The following SHOC1 variants were observed in gnomAD, a reference collection of about 807,000 sequenced individuals.
SHOC1 encodes the protein protein shortage in chiasmata 1 ortholog.
SHOC1 carries 136 observed loss-of-function variants against 179.2 expected under a neutral mutation model. That is an observed-to-expected ratio of 0.76 (90% CI 0.66 to 0.87). SHOC1 has a LOEUF of 0.87. SHOC1 is among the 40% of genes least tolerant of loss of function. The probability of loss-of-function intolerance (pLI) is 0.00; values close to 1 mark genes in which losing one functional copy is unlikely to be tolerated. For missense variants in SHOC1, 1,538 were observed against 1,700.8 expected (o/e 0.90, Z 1.68); for synonymous variants, 489 against 586.6 (o/e 0.83, Z 2.41).
rs761404740 is a variant in SHOC1, at chr9:111,705,362, T to C, written c.2740A>G (p.Ser914Gly). The C allele has an allele frequency of 5.4e-6, 8 of 1,470,560 alleles. No individual in the cohort carries two copies. The Admixed American group carries it at 1.9e-4, about 35-fold the overall frequency. The allele number at this position is 1,470,560 out of a possible 1,614,324, so 91.1% of individuals were successfully genotyped here. A position where few individuals can be genotyped will look rare whatever the true frequency, so the allele number is the denominator to read the frequency against. ...CCTCCAAATCTATCCAGCAAGGTGC[T>C]TCCTAAATAAGAGAAAATTTATAAA... ...VILPDTVLER[S>G]TLLDRFGGFL... is the part of the protein sequence containing the mutation. The change falls in exon 21 of 28, where the codon AGC (serine) becomes GGC (glycine). Residue 914 changes from serine to glycine, a missense_variant and splice_region_variant. Coordinates refer to ENST00000682961, the MANE Select transcript of SHOC1 (RefSeq NM_001378211.1).
intron 5 of SHOC1, among the ~76,000 whole-genome samples, chr9:111,762,751 T>C (rs1025004133): frequency 2.0e-5 from 3 of 152,154 alleles, no homozygotes; most frequent in South Asian, 2.1e-4. Flanking sequence ...TATTTCACCA[T>C]TGAAAATGAC....
Position 111,714,933 on chromosome 9 carries a change from T to A in SHOC1, c.2237-310A>T, listed in dbSNP as rs1418665078. 2.6e-5 allele frequency among the ~76,000 whole-genome samples: 4 copies of A among 152,206 alleles called. No homozygotes were observed. The East Asian group carries it at 5.8e-4, about 22-fold the overall frequency. On this transcript the variant is annotated intron_variant, in intron 16 of 27. Coordinates refer to ENST00000682961, the MANE Select transcript of SHOC1 (RefSeq NM_001378211.1). ...TCTTCCTAAATCCCAGGATCTATAT[T>A]TACATGGAAGTCCTGTTGAACTGCT...
At chr9:111,740,667 G>T (rs1229962551) in intron 11 of SHOC1, among the ~76,000 whole-genome samples, 1 of 152,132 alleles carries the variant, frequency 6.6e-6, no homozygotes, top group African/African-American at 2.4e-5. Flanking sequence ...CACCTCCCTG[G>T]TTCGAGCGAT....
chr9:111,686,922 A>G, intron 27 of SHOC1, 52 bp from the exon 28 acceptor site: 1 of 996,428 alleles, frequency 1.0e-6, no homozygotes, highest in Non-Finnish European at 1.5e-6. Context: ...ATAGTAAAGT[A>G]TAGGTTTTTT....
At chr9:111,791,238 G>GA (rs954984086) in intron 2 of SHOC1, 136 bp downstream of exon 2, 28 of 445,878 alleles carry the variant, frequency 6.3e-5, no homozygotes, top group Admixed American at 3.2e-4. Flanking sequence ...TCCAAAATCT[G>GA]AAAAAAAATC....
intron 2 of SHOC1, among the ~76,000 whole-genome samples, chr9:111,787,701 A>G (rs1008111720): frequency 6.6e-6 from 1 of 152,250 alleles, no homozygotes; most frequent in Non-Finnish European, 1.5e-5. Context: ...CCATAAACTT[A>G]GTTGATAAAG....
Position 111,746,360 on chromosome 9 carries a change from T to A in SHOC1, c.971-18A>T, listed in dbSNP as rs1564143644. 6.8e-7 allele frequency: 1 copy of A among 1,473,120 alleles called. No individual in the cohort carries two copies. Among genetic ancestry groups the A allele is most frequent in the Non-Finnish European group, 9.5e-7 (1 of 1,053,656 alleles). The allele number at this position is 1,473,120 out of a possible 1,614,324, so 91.3% of individuals were successfully genotyped here. A position where few individuals can be genotyped will look rare whatever the true frequency, so the allele number is the denominator to read the frequency against. ...TAACTCTCCTGGAATATATGAAAAT[T>A]AAAGTTATGTAAACATTGAATAATA... On this transcript the variant is annotated intron_variant, in intron 9 of 27. Coordinates refer to ENST00000682961, the MANE Select transcript of SHOC1 (RefSeq NM_001378211.1).
chr9:111,704,490 C>T (rs945083485), intron 21 of SHOC1, among the ~76,000 whole-genome samples: 2 of 152,122 alleles, frequency 1.3e-5, no homozygotes, highest in African/African-American at 4.8e-5. Context: ...TCAATCGAAC[C>T]TCTCATCTCA....
At chr9:111,723,655 G>T in intron 14 of SHOC1, 137 bp downstream of exon 14, 5 of 880,780 alleles carry the variant, frequency 5.7e-6, no homozygotes, top group Non-Finnish European at 8.7e-6. Context: ...GATATAACTT[G>T]AAAGTAGGAG....
intron 3 of SHOC1, among the ~76,000 whole-genome samples, chr9:111,782,714 T>TA (rs36046676): frequency 0.056 from 8,214 of 147,006 alleles, 520 homozygotes; most frequent in African/African-American, 0.16. Flanking sequence ...AGATGAGGTC[T>TA]AAAAAAAAAA....
intron 18 of SHOC1, among the ~76,000 whole-genome samples, chr9:111,709,723 T>C (rs1291772053): frequency 2.0e-5 from 3 of 152,214 alleles, no homozygotes; most frequent in East Asian, 1.9e-4. Context: ...AGGGTGACTA[T>C]AGTCAGTAAT....
At chr9:111,777,428 T>A (rs1211926371) in intron 4 of SHOC1, among the ~76,000 whole-genome samples, 1 of 146,888 alleles carries the variant, frequency 6.8e-6, no homozygotes, top group Non-Finnish European at 1.5e-5. Flanking sequence ...CAAGGTTAGT[T>A]CAGCCTACAC....
intron 8 of SHOC1, among the ~76,000 whole-genome samples, chr9:111,748,775 TTCCC>T (rs1252765769): frequency 6.2e-5 from 8 of 128,174 alleles, no homozygotes; most frequent in African/African-American, 2.4e-4. Flanking sequence ...CCTTCCTTCC[TTCCC>T]TCCCTCCCCT....
At chr9:111,704,017 GA>G in intron 21 of SHOC1, 25 bp from the exon 22 acceptor site, 2 of 1,198,890 alleles carry the variant, frequency 1.7e-6, no homozygotes, top group African/African-American at 1.5e-5. Flanking sequence ...ATTCTTGAGT[GA>G]AAAAATGAAA....
At chr9:111,761,993 G>T (rs949613083) in intron 5 of SHOC1, among the ~76,000 whole-genome samples, 1 of 152,034 alleles carries the variant, frequency 6.6e-6, no homozygotes, top group Admixed American at 6.6e-5. Context: ...ATACTAAATA[G>T]ATCAATTTCT....
chr9:111,759,408 G>A (rs1274229677), intron 5 of SHOC1: 9 of 1,453,182 alleles, frequency 6.2e-6, no homozygotes, highest in Non-Finnish European at 8.2e-6. Context: ...GAATCTACTT[G>A]AGGAGTATGA....
chr9:111,769,986 G>GTTTTTTTTTTTTTTTTTTTTTTTTT (rs769266659), intron 5 of SHOC1, among the ~76,000 whole-genome samples: 10 of 77,628 alleles, frequency 1.3e-4, no homozygotes, highest in Non-Finnish European at 1.4e-4. Flanking sequence ...TTTTTTTTTT[G>GTTTTTTTTTTTTTTTTTTTTTTTTT]TTTTTTTTTT....
In SHOC1 at chr9:111,791,368, C is replaced by T; in HGVS notation, c.45+6G>A. 2.1e-6 allele frequency: 3 copies of T among 1,450,212 alleles called. No homozygotes were observed. The highest frequency in any genetic ancestry group is 2.7e-5 in the East Asian group (1 of 36,590). 89.8% of individuals were successfully genotyped at this position (1,450,212 alleles called of 1,614,324 possible). A position where few individuals can be genotyped will look rare whatever the true frequency, so the allele number is the denominator to read the frequency against. ...GTAAATAGACAGTAAGCCACTAACA[C>T]TCTACCTCATATAAATAGTCTATTG... On this transcript the variant is annotated splice_donor_region_variant and intron_variant, in intron 2 of 27. Transcript: ENST00000682961.
chr9:111,711,416 T>C (rs1056272317), intron 18 of SHOC1, among the ~76,000 whole-genome samples: 3 of 152,154 alleles, frequency 2.0e-5, no homozygotes, highest in Admixed American at 6.5e-5. Flanking sequence ...GGGAGGATCC[T>C]CTCCTGTCCT....
Sources: allele counts gnomAD v4.1 joint callset (sites outside exome capture counted in the v4.1 genomes callset), GRCh38; gene constraint gnomAD v4.1.1; transcripts MANE v1.5; gene names NCBI Gene and HGNC (gene_info 2026-07-23, HGNC 2026-07-21).